The following PDE4D variants were observed in gnomAD, a reference collection of about 807,000 sequenced individuals.
PDE4D encodes 3',5'-cyclic-AMP phosphodiesterase 4D.
Under a neutral mutation model 87.4 loss-of-function variants are expected in PDE4D, and 24 were observed. The observed-to-expected ratio is 0.27, with a 90% CI of 0.20 to 0.39. PDE4D has a LOEUF of 0.39. Ranked by LOEUF, PDE4D falls within the 10% of genes least tolerant of loss-of-function variation. The probability of loss-of-function intolerance (pLI) is 1.00; values close to 1 mark genes in which losing one functional copy is unlikely to be tolerated. For missense variants in PDE4D, 714 were observed against 1,041.0 expected, an observed-to-expected ratio of 0.69 and a Z score of 4.32; for synonymous variants, 384 against 383.2, an observed-to-expected ratio of 1.00 and a Z score of -0.02.
intron 5 of PDE4D, 161 bp from the exon 6 acceptor site, chr5:59,039,132 G>T (rs1446876142): frequency 2.2e-6 from 3 of 1,369,814 alleles, no homozygotes; most frequent in Middle Eastern, 2.1e-4. Context: ...CAGTGCAACG[G>T]GGGCGGAGGC....
rs558491893 is a variant in PDE4D at position 60,383,024 on chromosome 5, A to C, written c.-90+104918T>G. The stretch of plus-strand genomic sequence containing the variant: ...TCAAGGGAAAGTTTCACTGGAGTAC[A>C]TGCAGAATAAGAACAGGGACCAATT... On this transcript the variant is annotated intron_variant, in intron 1 of 16. Coordinates refer to the PDE4D transcript ENST00000502484. Among the ~76,000 whole-genome samples the C allele has an allele frequency of 3.5e-4, 54 of 152,306 alleles. 1 individual carries two copies. In the South Asian group the frequency reaches 0.011, roughly 30 times the overall value.
chr5:59,019,217 C>T lies in PDE4D; in HGVS notation c.921+19642G>A, dbSNP rs114221898. Among the ~76,000 whole-genome samples, 351 of 152,080 alleles carry T rather than the reference C, an allele frequency of 2.3e-3. 1 individual carries two copies. The highest frequency in any genetic ancestry group is 8.1e-3 in the African/African-American group (335 of 41,482). On this transcript the variant is annotated intron_variant, in intron 6 of 14. Transcript: ENST00000340635. ...CCTTCTCTGTGCAATCTTTCTCCTA[C>T]TCATTCCTCTCTTTTCATCACTATC...
intron 1 of PDE4D, among the ~76,000 whole-genome samples, chr5:60,197,014 T>C (rs1365868993): frequency 7.0e-6 from 1 of 142,492 alleles, no homozygotes; most frequent in Admixed American, 7.3e-5. Context: ...AAAAACAAGA[T>C]AGGCAGATAG....
intron 2 of PDE4D, among the ~76,000 whole-genome samples, chr5:60,044,483 T>G (rs1768950021): frequency 6.6e-6 from 1 of 152,102 alleles, no homozygotes; most frequent in Non-Finnish European, 1.5e-5. Flanking sequence ...CATCTAGCAT[T>G]AGCTATATCT....
chr5:59,092,386 A>G (rs12109774), intron 5 of PDE4D, among the ~76,000 whole-genome samples: 45,850 of 152,054 alleles, frequency 0.3, 7,219 homozygotes, highest in Middle Eastern at 0.37. Context: ...TGATGAGTAC[A>G]TAAGTCTCAT....
chr5:60,472,251 T>TAA (rs1401794761), intron 1 of PDE4D, among the ~76,000 whole-genome samples: 1 of 152,172 alleles, frequency 6.6e-6, no homozygotes, highest in East Asian at 1.9e-4. Flanking sequence ...GAAACGATGT[T>TAA]AAAATTCCCA....
chr5:59,511,058 A>G (rs895045605), intron 1 of PDE4D, among the ~76,000 whole-genome samples: 1 of 151,978 alleles, frequency 6.6e-6, no homozygotes, highest in Non-Finnish European at 1.5e-5. Context: ...TTTGGTTACA[A>G]AATGACAGGG....
chr5:59,976,434 A>T (rs1033302656), intron 3 of PDE4D, among the ~76,000 whole-genome samples: 2 of 152,014 alleles, frequency 1.3e-5, no homozygotes, highest in African/African-American at 4.8e-5. Flanking sequence ...GTGAGATCTA[A>T]TTGTTTAAAG....
intron 1 of PDE4D, among the ~76,000 whole-genome samples, chr5:59,589,138 A>G (rs1419689825): frequency 2.6e-5 from 4 of 152,178 alleles, no homozygotes; most frequent in Non-Finnish European, 5.9e-5. Flanking sequence ...GTTAAGTAGC[A>G]TGTCTGAGGT....
At chr5:59,912,185 C>T (rs1753525084) in intron 3 of PDE4D, among the ~76,000 whole-genome samples, 1 of 152,134 alleles carries the variant, frequency 6.6e-6, no homozygotes, top group Non-Finnish European at 1.5e-5. Context: ...TTGTTATCTG[C>T]TCCTTCCATT....
chr5:59,363,814 G>C (rs1238241949), intron 1 of PDE4D, among the ~76,000 whole-genome samples: 2 of 152,156 alleles, frequency 1.3e-5, no homozygotes, highest in African/African-American at 2.4e-5. Flanking sequence ...TGGCCTGTGA[G>C]CCTGGGGTGG....
At chr5:60,121,997 C>A (rs751752516) in intron 2 of PDE4D, among the ~76,000 whole-genome samples, 3 of 152,130 alleles carry the variant, frequency 2.0e-5, no homozygotes, top group African/African-American at 4.8e-5. Context: ...AGGGCCCATG[C>A]AAGCTCAAAA....
At chr5:59,313,769 C>T (rs934519691) in intron 1 of PDE4D, among the ~76,000 whole-genome samples, 1 of 152,154 alleles carries the variant, frequency 6.6e-6, no homozygotes, top group African/African-American at 2.4e-5. Context: ...TGTGTACCCA[C>T]CCAGGTCCTT....
rs776076740 is a variant in PDE4D, at chr5:58,988,535, C to T, written c.1510G>A (p.Val504Ile). The T allele has an allele frequency of 1.3e-6, 2 of 1,508,056 alleles. No homozygotes were observed. The highest frequency in any genetic ancestry group is 2.7e-5 in the South Asian group (2 of 75,076). 93.4% of individuals were successfully genotyped at this position (1,508,056 alleles called of 1,614,324 possible). A position where few individuals can be genotyped will look rare whatever the true frequency, so the allele number is the denominator to read the frequency against. The change falls in exon 11 of 15, where the codon GTA (valine) becomes ATA (isoleucine). Residue 504 changes from valine (V) to isoleucine (I), a missense_variant. This residue lies in a region of PDE4D where 141 missense variants were observed against 204.3 expected (regional missense o/e 0.69). Coordinates refer to ENST00000340635, the MANE Select transcript of PDE4D (RefSeq NM_001104631.2). ...AAIFASAIHD[V>I]DHPGVSNQFL... ...TGATTGGACACACCAGGATGATCTA[C>T]ATCATGTATTGCACTGGCAAAAATT...
intron 2 of PDE4D, among the ~76,000 whole-genome samples, chr5:59,195,927 A>G (rs1441159881): frequency 6.6e-6 from 1 of 152,168 alleles, no homozygotes; most frequent in African/African-American, 2.4e-5. Flanking sequence ...AGACCCTGTG[A>G]CAGGTCTATA....
intron 1 of PDE4D, among the ~76,000 whole-genome samples, chr5:59,840,546 G>T (rs542145852): frequency 1.3e-5 from 2 of 152,086 alleles, no homozygotes; most frequent in South Asian, 4.1e-4. Context: ...GCTGACCAGG[G>T]TTGTGAAGGG....
intron 1 of PDE4D, among the ~76,000 whole-genome samples, chr5:60,276,535 G>C (rs911826524): frequency 1.3e-5 from 2 of 152,158 alleles, no homozygotes; most frequent in African/African-American, 4.8e-5. Context: ...AGCATTCACA[G>C]ACAGCCAACT....
chr5:60,100,006 T>C (rs1582646993), intron 2 of PDE4D, among the ~76,000 whole-genome samples: 1 of 151,952 alleles, frequency 6.6e-6, no homozygotes, highest in East Asian at 1.9e-4. Context: ...AAATATTCCC[T>C]GATAAGAATT....
At chr5:60,163,706 G>T (rs1043903081) in intron 2 of PDE4D, among the ~76,000 whole-genome samples, 2 of 152,140 alleles carry the variant, frequency 1.3e-5, no homozygotes, top group African/African-American at 4.8e-5. Context: ...GCACTGCCAA[G>T]TCTGTAAACT....
Sources: allele counts gnomAD v4.1 joint callset (sites outside exome capture counted in the v4.1 genomes callset), GRCh38; gene constraint gnomAD v4.1.1; regional missense constraint gnomAD v4.1.1; transcripts MANE v1.5; gene names NCBI Gene and HGNC (gene_info 2026-07-23, HGNC 2026-07-21).